The following SPTLC1 variants were observed in gnomAD, a reference collection of about 807,000 sequenced individuals.
SPTLC1 encodes serine palmitoyltransferase 1.
SPTLC1 carries 55 observed loss-of-function variants against 68.9 expected under a neutral mutation model. The ratio of observed to expected loss-of-function variants is 0.80; its 90% confidence interval spans 0.64 to 1.00. The LOEUF is 1.00. Ranked by LOEUF, SPTLC1 falls within the 50% of genes least tolerant of loss-of-function variation. The probability of loss-of-function intolerance (pLI) is 0.00; values close to 1 mark genes in which losing one functional copy is unlikely to be tolerated. For synonymous variants in SPTLC1, 197 were observed against 201.6 expected (o/e 0.98, Z 0.19); for missense variants, 449 against 573.1 (o/e 0.78, Z 2.21).
chr9:92,091,584 C>CA (rs1564110776), intron 3 of SPTLC1, among the ~76,000 whole-genome samples: 1 of 152,144 alleles, frequency 6.6e-6, no homozygotes, highest in African/African-American at 2.4e-5. Flanking sequence ...AATCAAATAA[C>CA]ATTATTTTTG....
chr9:92,076,154 A>G (rs1434901837), intron 5 of SPTLC1, among the ~76,000 whole-genome samples: 2 of 152,168 alleles, frequency 1.3e-5, no homozygotes, highest in Non-Finnish European at 2.9e-5. Context: ...GACTCTAAAT[A>G]CGCCCTTCAC....
At chr9:92,069,776 C>T (rs928313650) in intron 5 of SPTLC1, among the ~76,000 whole-genome samples, 1 of 152,188 alleles carries the variant, frequency 6.6e-6, no homozygotes, top group Non-Finnish European at 1.5e-5. Flanking sequence ...TGCCACAAAC[C>T]TTCACAGTTC....
chr9:92,098,962 G>A (rs1448138371), intron 3 of SPTLC1, among the ~76,000 whole-genome samples: 2 of 152,166 alleles, frequency 1.3e-5, no homozygotes, highest in East Asian at 1.9e-4. Flanking sequence ...GCTCCTAGAG[G>A]CAAACAACAT....
intron 3 of SPTLC1, among the ~76,000 whole-genome samples, chr9:92,096,428 A>ATTG (rs1472376131): frequency 1.3e-5 from 2 of 152,190 alleles, no homozygotes; most frequent in East Asian, 3.8e-4. Flanking sequence ...CATCTTGAAT[A>ATTG]TATACAATTT....
At position 92,098,935 on chromosome 9, in the gene SPTLC1, T is replaced by A. The variant is rs140784279; in HGVS notation, c.260+9805A>T. Among the ~76,000 whole-genome samples the A allele has an allele frequency of 2.0e-4, 31 of 152,246 alleles. No individual in the cohort carries two copies. In the East Asian group the frequency reaches 5.8e-3, roughly 28 times the overall value. On this transcript the variant is annotated intron_variant, in intron 3 of 14. Transcript: ENST00000262554. ...TAATAGATAACTAACGTGTGAACAT[T>A]CTGAATGGAGTTTTATGCTCCTAGA... is the stretch of plus-strand genomic sequence containing the variant.
intron 6 of SPTLC1, among the ~76,000 whole-genome samples, chr9:92,067,304 CAA>C (rs770486590): frequency 2.0e-5 from 2 of 98,880 alleles, no homozygotes; most frequent in Non-Finnish European, 2.0e-5. Context: ...ATCTCACACA[CAA>C]AAAAAAAAAA....
At chr9:92,059,031 A>G in intron 7 of SPTLC1, 148 bp downstream of exon 7, 1 of 967,314 alleles carries the variant, frequency 1.0e-6, no homozygotes, top group Non-Finnish European at 1.5e-6. Flanking sequence ...TTGGCTCTCC[A>G]ACACCAAGTA....
chr9:92,037,833 C>T (rs747960413), intron 13 of SPTLC1, among the ~76,000 whole-genome samples: 81 of 152,278 alleles, frequency 5.3e-4, no homozygotes, highest in Admixed American at 1.4e-3. Context: ...AGCTGTGCTG[C>T]GGGGACAGCC....
intron 6 of SPTLC1, among the ~76,000 whole-genome samples, chr9:92,064,815 C>T (rs1256121923): frequency 6.6e-6 from 1 of 152,180 alleles, no homozygotes; most frequent in East Asian, 1.9e-4. Context: ...CTTGGATGAA[C>T]CATCAGAGAA....
chr9:92,071,979 C>T (rs140703795), intron 5 of SPTLC1, among the ~76,000 whole-genome samples: 40 of 152,296 alleles, frequency 2.6e-4, no homozygotes, highest in African/African-American at 9.1e-4. Flanking sequence ...CTTTCCATTG[C>T]CTACCCCTAA....
Position 92,079,367 on chromosome 9 carries a change from T to C in SPTLC1, c.427+649A>G, listed in dbSNP as rs1834796892. 5 of 1,447,182 alleles carry C rather than the reference T, an allele frequency of 3.5e-6. No homozygotes were observed. The South Asian group carries it at 4.4e-5, about 13-fold the overall frequency. 89.6% of individuals were successfully genotyped at this position (1,447,182 alleles called of 1,614,324 possible). On this transcript the variant is annotated intron_variant, in intron 5 of 14. Coordinates refer to ENST00000262554, the MANE Select transcript of SPTLC1 (RefSeq NM_006415.4). ...CTGGGATTACAGGCATGAGCCACCA[T>C]GCCCGGCCTAAACAATTATTTAATA...
intron 2 of SPTLC1, chr9:92,110,149 CA>C (rs1836173705): frequency 6.6e-6 from 1 of 152,154 alleles, no homozygotes; most frequent in Non-Finnish European, 1.5e-5. Flanking sequence ...CTAGTTTCGA[CA>C]AAGTCTGAAA....
At chr9:92,047,582 G>T in intron 10 of SPTLC1, 31 bp downstream of exon 10, 2 of 1,464,834 alleles carry the variant, frequency 1.4e-6, no homozygotes, top group Non-Finnish European at 9.6e-7. Context: ...ATTAGTTTCA[G>T]TTTTAGCTCC....
At chr9:92,112,892 G>C (rs1836300062) in intron 1 of SPTLC1, among the ~76,000 whole-genome samples, 1 of 152,202 alleles carries the variant, frequency 6.6e-6, no homozygotes, top group African/African-American at 2.4e-5. Flanking sequence ...CAGATCACCT[G>C]AGGGCGGGAG....
intron 2 of SPTLC1, among the ~76,000 whole-genome samples, chr9:92,112,081 C>A (rs1369355196): frequency 6.6e-6 from 1 of 152,184 alleles, no homozygotes; most frequent in Non-Finnish European, 1.5e-5. Flanking sequence ...TCTGACTCTC[C>A]TTTAAGAAGA....
chr9:92,096,477 G>A (rs775655897), intron 3 of SPTLC1, among the ~76,000 whole-genome samples: 1 of 152,058 alleles, frequency 6.6e-6, no homozygotes, highest in Admixed American at 6.5e-5. Flanking sequence ...TGAAGAAAAA[G>A]CCAAGCCCAT....
At chr9:92,075,965 G>A (rs1834670536) in intron 5 of SPTLC1, among the ~76,000 whole-genome samples, 1 of 152,024 alleles carries the variant, frequency 6.6e-6, no homozygotes, top group Non-Finnish European at 1.5e-5. Flanking sequence ...GTTTATTGAT[G>A]GCAGTTCTTC....
intron 11 of SPTLC1, among the ~76,000 whole-genome samples, chr9:92,046,761 G>A (rs909263210): frequency 1.3e-5 from 2 of 152,168 alleles, no homozygotes; most frequent in African/African-American, 4.8e-5. Flanking sequence ...ATGATTCAAA[G>A]GCTAAAGGTG....
chr9:92,031,744 A>G lies in SPTLC1; in HGVS notation c.*721T>C, dbSNP rs1832970544. 4 of 152,948 alleles carry G rather than the reference A, an allele frequency of 2.6e-5. No individual in the cohort carries two copies. Among genetic ancestry groups the G allele is most frequent in the Admixed American group, 2.6e-4 (4 of 15,304 alleles). The allele number at this position is 152,948 out of a possible 1,614,324, so 9.5% of individuals were successfully genotyped here. A position where few individuals can be genotyped will look rare whatever the true frequency, so the allele number is the denominator to read the frequency against. On this transcript the variant is annotated 3_prime_UTR_variant, in exon 15 of 15. Transcript: ENST00000262554. Reference sequence around the variant, plus strand: ...AGAGGTGAACACATAAGAAATGTAAAGAAAGGTTAATTACATTAAAATAAA... The same window carrying G: ...AGAGGTGAACACATAAGAAATGTAAGGAAAGGTTAATTACATTAAAATAAA...
Sources: gnomAD v4.1 joint callset for allele counts (sites outside exome capture counted in the v4.1 genomes callset) on GRCh38, gnomAD v4.1.1 for gene constraint, MANE v1.5 for transcripts, NCBI Gene and HGNC (gene_info 2026-07-23, HGNC 2026-07-21) for gene names.